LATS2: variants seen among roughly 807,000 people sequenced by gnomAD.
LATS2 encodes large tumor suppressor kinase 2.
A neutral mutation model predicts 76.0 loss-of-function variants in LATS2; 24 were observed. The ratio of observed to expected loss-of-function variants is 0.32; its 90% confidence interval spans 0.23 to 0.44. The LOEUF (loss-of-function observed/expected upper bound fraction) is 0.44, where lower values mean the gene tolerates loss of function less well. Among genes scored for constraint, LATS2 ranks in the 20% least tolerant of loss-of-function variants. The pLI is 1.00. For synonymous variants in LATS2, 692 were observed against 635.4 expected (o/e 1.09, Z -1.34); for missense variants, 1,286 against 1,481.2 (o/e 0.87, Z 2.16).
chr13:21,039,748 C>A (rs1872802525), intron 2 of LATS2, among the ~76,000 whole-genome samples: 1 of 152,150 alleles, frequency 6.6e-6, no homozygotes, highest in Non-Finnish European at 1.5e-5. Context: ...CAACACAATG[C>A]CCAATGCATG....
intron 2 of LATS2, among the ~76,000 whole-genome samples, chr13:21,000,832 T>C: frequency 6.6e-6 from 1 of 152,030 alleles, no homozygotes; most frequent in South Asian, 2.1e-4. Context: ...CATGAAAAAA[T>C]GCTGATTGTA....
Position 20,989,009 on chromosome 13 carries a change from G to T in LATS2, c.771C>A (p.His257Gln). ...CCAGGGGTTCCCCAGGCACCAGCAGGTGCGGCCGCCCGTAGTGCGCGCCCT... is the reference window on the plus strand; with the variant it reads ...CCAGGGGTTCCCCAGGCACCAGCAGTTGCGGCCGCCCGTAGTGCGCGCCCT... ...PLQGAHYGRP[H>Q]LLVPGEPLGY... Residue 257 changes from histidine (H) to glutamine (Q), a missense_variant, in exon 4 of 8, where the codon CAC becomes CAA. By Grantham distance (24) the His-to-Gln change is conservative. Transcript: ENST00000382592. 1 of 1,549,846 alleles carries T rather than the reference G, an allele frequency of 6.5e-7. No individual in the cohort carries two copies. The highest frequency in any genetic ancestry group is 8.7e-7 in the Non-Finnish European group (1 of 1,153,964).
At chr13:21,010,200 A>AC (rs76108906) in intron 2 of LATS2, among the ~76,000 whole-genome samples, 31,767 of 126,528 alleles carry the variant, frequency 0.25, 3,475 homozygotes, top group Middle Eastern at 0.28. Flanking sequence ...ACTCTGTCAA[A>AC]AAAACAAACA....
At position 20,989,136 on chromosome 13, in the gene LATS2, A is replaced by G. The variant is rs1329951930; in HGVS notation, c.644T>C (p.Leu215Pro). ...CCCGTGGGGGCCGACTCCGGGGAAA[A>G]GGTAGTCCACGTACGGCCGCGGCAT... is the stretch of plus-strand genomic sequence containing the variant. ...EEMPRPYVDY[L>P]FPGVGPHGPG... Residue 215 changes from leucine to proline, a missense_variant, in exon 4 of 8, where the codon CTT (leucine) becomes CCT (proline). Coordinates refer to ENST00000382592, the MANE Select transcript of LATS2 (RefSeq NM_014572.3). The G allele has an allele frequency of 6.2e-7, 1 of 1,610,592 alleles. No individual in the cohort carries two copies. Among genetic ancestry groups the G allele is most frequent in the Non-Finnish European group, 8.5e-7 (1 of 1,178,944 alleles).
chr13:21,007,577 A>ATAC (rs1555225447), intron 2 of LATS2, among the ~76,000 whole-genome samples: 2 of 19,582 alleles, frequency 1.0e-4, no homozygotes, highest in African/African-American at 4.1e-4. Context: ...ATATATATAT[A>ATAC]TATATATATA....
At position 21,027,167 on chromosome 13, in the gene LATS2, G is replaced by A. The variant is rs567432492; in HGVS notation, c.342+18518C>T. 1.4e-3 allele frequency among the ~76,000 whole-genome samples: 210 copies of A among 152,222 alleles called. 1 individual carries two copies. Among genetic ancestry groups the A allele is most frequent in the African/African-American group, 4.6e-3 (189 of 41,536 alleles). On this transcript the variant is annotated intron_variant, in intron 2 of 7. Coordinates refer to ENST00000382592, the MANE Select transcript of LATS2 (RefSeq NM_014572.3). ...TATTTTTTCTCATTCTGTGGATTGA[G>A]TTTTGTTGTTTTAATGTCCTCTAAA...
rs758240394 is a variant in LATS2 at position 21,048,799 on chromosome 13, C to T, written c.-204-2569G>A. Among the ~76,000 whole-genome samples, 136 of 151,712 alleles carry T rather than the reference C, an allele frequency of 9.0e-4. 4 individuals are homozygous for T. Among genetic ancestry groups the T allele is most frequent in the Non-Finnish European group, 2.2e-4 (15 of 67,938 alleles). ...TTGCAGTGAGCCGAGATCGCACCAT[C>T]GCACTCCAGCCTGGGCAACAAGAGC... On this transcript the variant is annotated intron_variant, in intron 1 of 7. Transcript: ENST00000382592.
chr13:20,998,500 G>A (rs1870863941), intron 2 of LATS2, among the ~76,000 whole-genome samples: 1 of 152,210 alleles, frequency 6.6e-6, no homozygotes, highest in Non-Finnish European at 1.5e-5. Context: ...AGGATTGCCA[G>A]CAGGGTGGTC....
At chr13:21,038,890 G>A (rs943688074) in intron 2 of LATS2, among the ~76,000 whole-genome samples, 85 of 152,260 alleles carry the variant, frequency 5.6e-4, no homozygotes, top group African/African-American at 1.8e-3. Context: ...GAGGCATGGC[G>A]CATTGCTTGA....
At chr13:21,027,282 C>A (rs2138372827) in intron 2 of LATS2, among the ~76,000 whole-genome samples, 2 of 152,254 alleles carry the variant, frequency 1.3e-5, no homozygotes, top group South Asian at 4.1e-4. Flanking sequence ...GAGATCTTTG[C>A]CTTTCTCAAG....
intron 2 of LATS2, among the ~76,000 whole-genome samples, chr13:21,023,608 G>C (rs776382278): frequency 2.2e-5 from 3 of 137,932 alleles, no homozygotes; most frequent in Non-Finnish European, 4.6e-5. Flanking sequence ...AGGATGGGAG[G>C]GAGGTCCACC....
chr13:21,019,304 A>G (rs1372314754), intron 2 of LATS2, among the ~76,000 whole-genome samples: 12 of 18,556 alleles, frequency 6.5e-4, no homozygotes, highest in African/African-American at 1.1e-3. Context: ...ATTTGTTATT[A>G]TTATTATTAT....
intron 1 of LATS2, 65 bp downstream of exon 1, chr13:21,061,281 C>G (rs1055976262): frequency 1.3e-5 from 2 of 152,376 alleles, no homozygotes; most frequent in Admixed American, 1.3e-4. Context: ...AGGGCTCGAC[C>G]GCTTCGCGGA....
At chr13:21,034,298 C>T (rs1316626596) in intron 2 of LATS2, among the ~76,000 whole-genome samples, 4 of 152,168 alleles carry the variant, frequency 2.6e-5, no homozygotes, top group African/African-American at 7.2e-5. Context: ...TAACCAAGGT[C>T]CAGCTTCCCT....
At chr13:21,027,697 TCTAC>T (rs749019063) in intron 2 of LATS2, among the ~76,000 whole-genome samples, 9 of 152,212 alleles carry the variant, frequency 5.9e-5, no homozygotes, top group Non-Finnish European at 1.0e-4. Context: ...GTTTAAGGAC[TCTAC>T]CTGTGTTCTT....
intron 2 of LATS2, among the ~76,000 whole-genome samples, chr13:21,006,629 A>T (rs1291094156): frequency 6.6e-6 from 1 of 152,218 alleles, no homozygotes; most frequent in Non-Finnish European, 1.5e-5. Flanking sequence ...ATATGTGTGA[A>T]GACTCTGCTC....
intron 1 of LATS2, among the ~76,000 whole-genome samples, chr13:21,048,352 G>C (rs534735884): frequency 6.6e-6 from 1 of 152,204 alleles, no homozygotes; most frequent in Non-Finnish European, 1.5e-5. Flanking sequence ...CCAATCTTAA[G>C]TTTTCTTCCC....
At chr13:21,011,296 A>C (rs1331479047) in intron 2 of LATS2, among the ~76,000 whole-genome samples, 3 of 152,344 alleles carry the variant, frequency 2.0e-5, no homozygotes, top group African/African-American at 2.4e-5. Flanking sequence ...CTTCTGGATG[A>C]AAGTTGGGAT....
chr13:21,058,316 G>A (rs1259833712), intron 1 of LATS2, among the ~76,000 whole-genome samples: 1 of 152,112 alleles, frequency 6.6e-6, no homozygotes, highest in African/African-American at 2.4e-5. Flanking sequence ...TTCGAAAATG[G>A]TGTTGGTATG....
Sources: gnomAD v4.1 joint callset for allele counts (sites outside exome capture counted in the v4.1 genomes callset) on GRCh38, gnomAD v4.1.1 for gene constraint, MANE v1.5 for transcripts, NCBI Gene and HGNC (gene_info 2026-07-23, HGNC 2026-07-21) for gene names.